ASAH2: variants seen among roughly 807,000 people sequenced by gnomAD.
The protein encoded by ASAH2 is neutral ceramidase.
In ASAH2, 58 loss-of-function variants were observed where a neutral mutation model predicts 82.9. The ratio of observed to expected loss-of-function variants is 0.70; its 90% CI spans 0.57 to 0.87. The LOEUF (loss-of-function observed/expected upper bound fraction) is 0.87. Among genes scored for constraint, ASAH2 ranks in the 40% least tolerant of loss-of-function variants. The pLI, the probability that ASAH2 is intolerant of heterozygous loss-of-function variation, is 0.00. For missense variants in ASAH2, 779 were observed against 834.0 expected, an observed-to-expected ratio of 0.93 and a Z score of 0.81; for synonymous variants, 276 against 289.7, an observed-to-expected ratio of 0.95 and a Z score of 0.48.
rs1845668384 is a variant in ASAH2, at chr10:50,218,566, C to T, written c.958G>A (p.Gly320Ser). The stretch of plus-strand genomic sequence containing the variant: ...TGCTCAAGCAGGTAAGATGCATAGC[C>T]CACATTGTCACTGTTTACAAGATGG... ...SNHLVNSDNV[G>S]YASYLLEQEK... Residue 320 changes from glycine (G) to serine (S), a missense_variant, in exon 8 of 21, where the codon GGC becomes AGC. Physicochemically the swap from Gly to Ser is moderately conservative, Grantham distance 56. Around this residue, in one of 3 missense-constraint regions of ASAH2, gnomAD observed 759 missense variants for 755.2 expected, o/e 1.00. Coordinates refer to ENST00000682911, the MANE Select transcript of ASAH2 (RefSeq NM_019893.4). 1.2e-6 allele frequency: 2 copies of T among 1,613,582 alleles called. No homozygotes were observed. The highest frequency in any genetic ancestry group is 1.3e-5 in the African/African-American group (1 of 74,852).
chr10:50,245,525 A>G, intron 2 of ASAH2, 71 bp from the exon 3 acceptor site: 1 of 1,336,818 alleles, frequency 7.5e-7, no homozygotes, highest in East Asian at 2.5e-5. Context: ...TTAGAACACA[A>G]TATATAGGCT....
chr10:50,202,384 T>C (rs1845173301), intron 16 of ASAH2, among the ~76,000 whole-genome samples: 1 of 152,056 alleles, frequency 6.6e-6, no homozygotes, highest in African/African-American at 2.4e-5. Context: ...TTGATATATA[T>C]CAATATAATA....
At chr10:50,218,413 A>G (rs1358455153) in intron 8 of ASAH2, 97 bp downstream of exon 8, 21 of 1,533,606 alleles carry the variant, frequency 1.4e-5, no homozygotes, top group South Asian at 3.4e-5. Flanking sequence ...TGATGATGAC[A>G]CTTTATTCTG....
At position 50,187,023 on chromosome 10, in the gene ASAH2, T is replaced by A; in HGVS notation, c.*292A>T. On this transcript the variant is annotated 3_prime_UTR_variant, in exon 21 of 21. Coordinates refer to ENST00000682911, the MANE Select transcript of ASAH2 (RefSeq NM_019893.4). ...AACAACCCCAAGACTTCAAGGGAAA[T>A]CATGCTTTAGGCTGTAGACCACAAG... The A allele has an allele frequency of 2.7e-6, 1 of 373,232 alleles. No individual in the cohort carries two copies. Among genetic ancestry groups the A allele is most frequent in the Middle Eastern group, 7.4e-4 (1 of 1,358 alleles). 23.1% of individuals were successfully genotyped at this position (373,232 alleles called of 1,614,324 possible). A position where few individuals can be genotyped will look rare whatever the true frequency, so the allele number is the denominator to read the frequency against.
intron 5 of ASAH2, among the ~76,000 whole-genome samples, chr10:50,235,385 C>G (rs970765614): frequency 6.6e-5 from 10 of 151,956 alleles, no homozygotes; most frequent in Non-Finnish European, 1.5e-4. Context: ...GCTACTGAAA[C>G]CAGAAACAGG....
chr10:50,202,742 G>C (rs1366022059), intron 16 of ASAH2, 87 bp downstream of exon 16: 1 of 938,612 alleles, frequency 1.1e-6, no homozygotes, highest in Non-Finnish European at 1.8e-6. Context: ...AACATGACTG[G>C]GAAAGTTTAC....
chr10:50,228,154 T>C (rs1008181947), intron 7 of ASAH2, among the ~76,000 whole-genome samples: 2 of 151,988 alleles, frequency 1.3e-5, no homozygotes, highest in South Asian at 2.1e-4. Context: ...CAAGACCCTG[T>C]CTCTATTTAT....
At position 50,235,902 on chromosome 10, in the gene ASAH2, T is replaced by C; in HGVS notation, c.673A>G (p.Thr225Ala). Residue 225 changes from threonine to alanine, a missense_variant, in exon 5 of 21, where the codon ACT becomes GCT. By Grantham distance (58) the Thr-to-Ala change is moderately conservative. Transcript: ENST00000682911. ...TCTTTGCCTACCTTCAAGATACCAG[T>C]GACCATGTGCTGAAAAGTTTGATTG... Reference protein sequence around the residue: ...FSNQTFQHMVTGILKSIDIAH... With the variant: ...FSNQTFQHMVAGILKSIDIAH... The C allele has an allele frequency of 1.2e-6, 2 of 1,613,248 alleles. No individual in the cohort carries two copies. The highest frequency in any genetic ancestry group is 1.7e-6 in the Non-Finnish European group (2 of 1,179,356).
At chr10:50,242,843 G>A (rs1846340288) in intron 4 of ASAH2, among the ~76,000 whole-genome samples, 1 of 152,050 alleles carries the variant, frequency 6.6e-6, no homozygotes, top group Non-Finnish European at 1.5e-5. Flanking sequence ...AGAACTTGAA[G>A]AAGTGCTTAG....
chr10:50,244,318 C>T (rs1331966374), intron 3 of ASAH2, among the ~76,000 whole-genome samples: 1 of 152,182 alleles, frequency 6.6e-6, no homozygotes, highest in Non-Finnish European at 1.5e-5. Context: ...AGATCACATA[C>T]ACCTATCCCA....
chr10:50,240,038 G>A (rs987283840), intron 4 of ASAH2, among the ~76,000 whole-genome samples: 16 of 151,898 alleles, frequency 1.1e-4, no homozygotes, highest in Non-Finnish European at 1.6e-4. Context: ...ATGTTTGCCA[G>A]GTTGGTCTCG....
chr10:50,199,985 A>C (rs1845097170), intron 16 of ASAH2, among the ~76,000 whole-genome samples: 1 of 151,210 alleles, frequency 6.6e-6, no homozygotes, highest in African/African-American at 2.4e-5. Flanking sequence ...GGTAAATCAC[A>C]TGTCATGAGG....
At chr10:50,246,943 A>G (rs943894489) in intron 2 of ASAH2, among the ~76,000 whole-genome samples, 2 of 152,214 alleles carry the variant, frequency 1.3e-5, no homozygotes, top group African/African-American at 4.8e-5. Context: ...AATGAAACTA[A>G]TGTAAACAGT....
At chr10:50,203,565 G>T in intron 15 of ASAH2, 75 bp downstream of exon 15, 1 of 543,252 alleles carries the variant, frequency 1.8e-6, no homozygotes, top group Non-Finnish European at 3.1e-6. Context: ...CTAGATATAG[G>T]ATCATAGGGA....
In ASAH2 at chr10:50,250,462, A is replaced by C. The variant is rs538132633; in HGVS notation, c.-37+933T>G. Among the ~76,000 whole-genome samples, 398 of 152,318 alleles carry C rather than the reference A, an allele frequency of 2.6e-3. 3 individuals are homozygous for C. Among genetic ancestry groups the C allele is most frequent in the Non-Finnish European group, 4.9e-3 (330 of 68,018 alleles). ...TCAAATGTGGAGCAAAACAAGTCAG[A>C]TCTGTGACTTATGATCAACTTCTAT... On this transcript the variant is annotated intron_variant, in intron 1 of 20. Transcript: ENST00000682911.
chr10:50,210,149 C>A (rs1449521202), intron 12 of ASAH2, among the ~76,000 whole-genome samples: 1 of 152,074 alleles, frequency 6.6e-6, no homozygotes, highest in Non-Finnish European at 1.5e-5. Context: ...TGTTCATCAA[C>A]TGAGGAAGGT....
chr10:50,237,658 T>A (rs1846194413), intron 4 of ASAH2, among the ~76,000 whole-genome samples: 1 of 152,212 alleles, frequency 6.6e-6, no homozygotes, highest in Non-Finnish European at 1.5e-5. Context: ...ATGACTAATG[T>A]CTTCATATGG....
intron 7 of ASAH2, among the ~76,000 whole-genome samples, chr10:50,230,369 A>C (rs1209117323): frequency 6.6e-6 from 1 of 152,108 alleles, no homozygotes; most frequent in Admixed American, 6.6e-5. Flanking sequence ...ATGCTCTGTG[A>C]TTCTGAGTTG....
chr10:50,204,914 A>G lies in ASAH2; in HGVS notation c.1572T>C (p.Val524=). 1 of 1,611,650 alleles carries G rather than the reference A, an allele frequency of 6.2e-7. No individual in the cohort carries two copies. Among genetic ancestry groups the G allele is most frequent in the East Asian group, 2.2e-5 (1 of 44,840 alleles). The part of the protein sequence containing the change: ...PHPWHPDIVD[V]QIITLGSLAI... ...CCAAGGACCCAAGGGTAATAATCTG[A>G]ACATCAACAATGTCTGGATGCCAGG... Residue 524 remains valine (V), a synonymous_variant, in exon 14 of 21, where the codon GTT becomes GTC. Transcript: ENST00000682911.
Sources: allele counts gnomAD v4.1 joint callset (sites outside exome capture counted in the v4.1 genomes callset), GRCh38; gene constraint gnomAD v4.1.1; regional missense constraint gnomAD v4.1.1; transcripts MANE v1.5; gene names NCBI Gene and HGNC (gene_info 2026-07-23, HGNC 2026-07-21).